The following CDH18 variants were observed in gnomAD, a reference collection of about 807,000 sequenced individuals.
CDH18 encodes cadherin-18.
In CDH18, 31 loss-of-function variants were observed where a neutral mutation model predicts 67.9. The observed-to-expected ratio is 0.46, with a 90% CI of 0.34 to 0.62. CDH18 has a LOEUF of 0.62. Among genes scored for constraint, CDH18 ranks in the 20% least tolerant of loss-of-function variants. CDH18 has a pLI of 0.01. For synonymous variants in CDH18, 362 were observed against 347.2 expected, an observed-to-expected ratio of 1.04 and a Z score of -0.48; for missense variants, 890 against 975.5, an observed-to-expected ratio of 0.91 and a Z score of 1.17.
At chr5:19,644,776 G>A (rs981710920) in intron 5 of CDH18, among the ~76,000 whole-genome samples, 1 of 152,124 alleles carries the variant, frequency 6.6e-6, no homozygotes, top group African/African-American at 2.4e-5. Flanking sequence ...GTAATGCCAG[G>A]TTACATCAAA....
chr5:19,986,457 G>C (rs1799571381), intron 1 of CDH18, among the ~76,000 whole-genome samples: 1 of 152,172 alleles, frequency 6.6e-6, no homozygotes. Context: ...TTTTCAGAGA[G>C]GCAATCAATC....
At chr5:19,949,512 A>G (rs530937686) in intron 2 of CDH18, among the ~76,000 whole-genome samples, 1 of 152,256 alleles carries the variant, frequency 6.6e-6, no homozygotes, top group African/African-American at 2.4e-5. Flanking sequence ...ATGCCCCCAA[A>G]TTTCTAAAAA....
At chr5:20,504,992 C>G (rs1184207141) in intron 1 of CDH18, among the ~76,000 whole-genome samples, 1 of 151,966 alleles carries the variant, frequency 6.6e-6, no homozygotes, top group Non-Finnish European at 1.5e-5. Context: ...TGGTCTCGAT[C>G]TCCTGACCTC....
intron 1 of CDH18, among the ~76,000 whole-genome samples, chr5:20,261,351 T>C (rs1463848582): frequency 1.3e-5 from 2 of 152,236 alleles, no homozygotes; most frequent in Admixed American, 1.3e-4. Flanking sequence ...TAAGATTATT[T>C]ATGAAATGCT....
intron 2 of CDH18, among the ~76,000 whole-genome samples, chr5:20,186,858 C>A (rs182166342): frequency 1.7e-4 from 26 of 151,988 alleles, no homozygotes; most frequent in Non-Finnish European, 3.5e-4. Flanking sequence ...GTTATAGCAG[C>A]ATTATTCACA....
chr5:20,297,914 A>G (rs1747664969), intron 1 of CDH18, among the ~76,000 whole-genome samples: 2 of 152,210 alleles, frequency 1.3e-5, no homozygotes, highest in African/African-American at 4.8e-5. Context: ...ACTGTGTGGT[A>G]ATAGGTTGAA....
At chr5:20,112,360 A>C (rs1747550245) in intron 2 of CDH18, among the ~76,000 whole-genome samples, 2 of 152,186 alleles carry the variant, frequency 1.3e-5, no homozygotes, top group African/African-American at 4.8e-5. Flanking sequence ...TTAATGGCTG[A>C]ATTTTTTTCA....
At chr5:20,566,360 CTTTT>C (rs529048391) in intron 1 of CDH18, among the ~76,000 whole-genome samples, 1 of 119,264 alleles carries the variant, frequency 8.4e-6, no homozygotes, top group Non-Finnish European at 1.7e-5. Context: ...TTTTCTTTTT[CTTTT>C]TTTTTTTTTT....
At chr5:19,791,207 C>A (rs1214334538) in intron 3 of CDH18, among the ~76,000 whole-genome samples, 1 of 151,976 alleles carries the variant, frequency 6.6e-6, no homozygotes, top group East Asian at 1.9e-4. Context: ...GAGTTGGCTT[C>A]CTCATTTGAA....
At chr5:19,499,889 T>G (rs1464902609) in intron 11 of CDH18, among the ~76,000 whole-genome samples, 5 of 152,138 alleles carry the variant, frequency 3.3e-5, no homozygotes. Flanking sequence ...CCAATAGCTT[T>G]CTGATCACTC....
chr5:19,601,820 T>A (rs1747177335), intron 6 of CDH18, among the ~76,000 whole-genome samples: 2 of 152,026 alleles, frequency 1.3e-5, no homozygotes, highest in Non-Finnish European at 2.9e-5. Flanking sequence ...TTAATTTTCA[T>A]TTCCATTAAC....
At chr5:19,624,312 C>G (rs919340770) in intron 5 of CDH18, among the ~76,000 whole-genome samples, 2 of 151,962 alleles carry the variant, frequency 1.3e-5, no homozygotes, top group African/African-American at 2.4e-5. Flanking sequence ...GGCTGCCATA[C>G]TCATTAATCT....
intron 2 of CDH18, among the ~76,000 whole-genome samples, chr5:20,102,223 TG>T (rs2150578060): frequency 1.5e-4 from 1 of 6,672 alleles, no homozygotes; most frequent in East Asian, 2.9e-3. Context: ...GCAGTGTGTG[TG>T]TGTGTGTGTG....
chr5:19,788,934 G>A (rs1289946367), intron 3 of CDH18, among the ~76,000 whole-genome samples: 3 of 152,146 alleles, frequency 2.0e-5, no homozygotes, highest in African/African-American at 4.8e-5. Flanking sequence ...ATTAGTTAGC[G>A]ATAGGGGATT....
At chr5:20,323,228 G>A (rs1738204394) in intron 1 of CDH18, among the ~76,000 whole-genome samples, 1 of 152,098 alleles carries the variant, frequency 6.6e-6, no homozygotes, top group Admixed American at 6.5e-5. Flanking sequence ...ATACAACTTA[G>A]CAGTACAGCC....
chr5:20,120,988 T>C (rs1748307033), intron 2 of CDH18, among the ~76,000 whole-genome samples: 1 of 152,134 alleles, frequency 6.6e-6, no homozygotes, highest in Middle Eastern at 3.2e-3. Flanking sequence ...ATTAAACAAC[T>C]AGATAGTTGA....
chr5:20,358,932 C>CTTTTTTT (rs66786530), intron 1 of CDH18, among the ~76,000 whole-genome samples: 1 of 128,180 alleles, frequency 7.8e-6, no homozygotes, highest in Admixed American at 8.2e-5. Context: ...TTTTTTCTTT[C>CTTTTTTT]TTTTTTTTTT....
chr5:20,070,562 CAATT>C (rs1475743296), intron 2 of CDH18, among the ~76,000 whole-genome samples: 1 of 151,992 alleles, frequency 6.6e-6, no homozygotes, highest in Non-Finnish European at 1.5e-5. Flanking sequence ...AATGGGCAAA[CAATT>C]AATGGGGTGC....
chr5:20,009,702 C>T (rs1162216581), intron 2 of CDH18, among the ~76,000 whole-genome samples: 2 of 152,072 alleles, frequency 1.3e-5, no homozygotes, highest in Non-Finnish European at 2.9e-5. Context: ...GGTGGTAATA[C>T]TTAAATATTT....
Sources: allele counts gnomAD v4.1 joint callset (sites outside exome capture counted in the v4.1 genomes callset), GRCh38; gene constraint gnomAD v4.1.1; transcripts MANE v1.5; gene names NCBI Gene and HGNC (gene_info 2026-07-23, HGNC 2026-07-21).